Variants in NELL1 observed in about 807,000 individuals in gnomAD.
NELL1 encodes protein kinase C-binding protein NELL1.
In NELL1, 76 loss-of-function variants were observed where a neutral mutation model predicts 107.4. The ratio of observed to expected loss-of-function variants is 0.71; its 90% CI spans 0.59 to 0.86. The LOEUF (loss-of-function observed/expected upper bound fraction) is 0.86. Among genes scored for constraint, NELL1 ranks in the 40% least tolerant of loss-of-function variants. The probability of loss-of-function intolerance (pLI) is 0.00; values close to 1 mark genes in which losing one functional copy is unlikely to be tolerated. For synonymous variants in NELL1, 353 were observed against 341.2 expected, an observed-to-expected ratio of 1.03 and a Z score of -0.38; for missense variants, 1,024 against 1,005.5, an observed-to-expected ratio of 1.02 and a Z score of -0.25.
chr11:21,438,533 T>G (rs566960425), intron 15 of NELL1, among the ~76,000 whole-genome samples: 1 of 152,308 alleles, frequency 6.6e-6, no homozygotes, highest in African/African-American at 2.4e-5. Flanking sequence ...TTTCAACTGT[T>G]ATTTCATTAA....
intron 13 of NELL1, among the ~76,000 whole-genome samples, chr11:21,179,619 C>T (rs1565098434): frequency 6.6e-6 from 1 of 151,842 alleles, no homozygotes; most frequent in Non-Finnish European, 1.5e-5. Flanking sequence ...TTGGCTAAAT[C>T]AAGTCACTTG....
At chr11:21,200,988 A>G (rs1466210563) in intron 13 of NELL1, among the ~76,000 whole-genome samples, 1 of 152,126 alleles carries the variant, frequency 6.6e-6, no homozygotes, top group Non-Finnish European at 1.5e-5. Context: ...CCATTGGTCT[A>G]TATATCTGTT....
chr11:21,113,663 C>A lies in NELL1; in HGVS notation c.1375C>A (p.Arg459Ser), dbSNP rs753194613. ...GTGTGTCAACCTTCCTGGGTTATAT[C>A]GCTGTGACTGTGTCCCAGGATACAT... ...TVCVNLPGLY[R>S]CDCVPGYIRV... The change falls in exon 13 of 20, where the codon CGC becomes AGC. Residue 459 changes from arginine (R) to serine (S), a missense_variant. Transcript: ENST00000357134. The A allele has an allele frequency of 1.2e-6, 2 of 1,612,128 alleles. No individual in the cohort carries two copies. The highest frequency in any genetic ancestry group is 4.5e-5 in the East Asian group (2 of 44,814).
intron 4 of NELL1, among the ~76,000 whole-genome samples, chr11:20,855,184 T>C (rs1054841618): frequency 6.6e-6 from 1 of 152,114 alleles, no homozygotes; most frequent in African/African-American, 2.4e-5. Flanking sequence ...TTTCTTTTTT[T>C]TTTTTTTCTG....
chr11:21,455,711 G>T (rs1376344543), intron 15 of NELL1, among the ~76,000 whole-genome samples: 1 of 151,736 alleles, frequency 6.6e-6, no homozygotes, highest in Non-Finnish European at 1.5e-5. Flanking sequence ...TTTTCTTTAT[G>T]GTCTTCCTCT....
At chr11:21,113,750 A>T (rs759095721) in intron 13 of NELL1, 36 bp downstream of exon 13, 6 of 1,603,256 alleles carry the variant, frequency 3.7e-6, no homozygotes, top group Non-Finnish European at 5.1e-6. Context: ...TTTTTAATTC[A>T]TCCATTCTCT....
intron 2 of NELL1, chr11:20,769,164 T>C (rs760961336): frequency 1.3e-5 from 2 of 152,374 alleles, no homozygotes; most frequent in Non-Finnish European, 2.9e-5. Context: ...GCTGATGCAA[T>C]ATTCTAGTCA....
intron 2 of NELL1, among the ~76,000 whole-genome samples, chr11:20,745,958 G>T (rs1855993281): frequency 6.6e-6 from 1 of 152,138 alleles, no homozygotes; most frequent in Non-Finnish European, 1.5e-5. Flanking sequence ...AAATATCTTT[G>T]CAAGGAAAAA....
chr11:20,862,766 T>G (rs144347707), intron 4 of NELL1, among the ~76,000 whole-genome samples: 4 of 152,102 alleles, frequency 2.6e-5, no homozygotes, highest in Non-Finnish European at 5.9e-5. Context: ...CCGCAGTGTT[T>G]GTGTCCCTGC....
At chr11:21,303,806 T>C (rs1440658665) in intron 14 of NELL1, among the ~76,000 whole-genome samples, 1 of 152,004 alleles carries the variant, frequency 6.6e-6, no homozygotes, top group Non-Finnish European at 1.5e-5. Flanking sequence ...GAAACATGTT[T>C]CTTACAGTTT....
In NELL1 at chr11:21,423,595, G is replaced by C. The variant is rs148711839; in HGVS notation, c.1645+52647G>C. 6.1e-3 allele frequency among the ~76,000 whole-genome samples: 928 copies of C among 152,218 alleles called. 6 individuals are homozygous for C. The highest frequency in any genetic ancestry group is 7.6e-3 in the Non-Finnish European group (519 of 67,986). On this transcript the variant is annotated intron_variant, in intron 15 of 19. Transcript: ENST00000357134. ...CCACCAGAATGAAGATAAGTAAGGA[G>C]AGAGACTTGAATAACACAATAAACA... is the stretch of plus-strand genomic sequence containing the variant.
intron 14 of NELL1, among the ~76,000 whole-genome samples, chr11:21,258,678 C>CTCA (rs1453565831): frequency 2.0e-4 from 30 of 151,944 alleles, no homozygotes; most frequent in African/African-American, 7.2e-4. Flanking sequence ...AAATGTTATT[C>CTCA]TCATCAAAAA....
intron 12 of NELL1, among the ~76,000 whole-genome samples, chr11:21,069,759 A>C (rs1331724548): frequency 1.3e-5 from 2 of 152,186 alleles, no homozygotes; most frequent in African/African-American, 4.8e-5. Flanking sequence ...ATCACTGATT[A>C]AGGGCCGGTG....
intron 2 of NELL1, among the ~76,000 whole-genome samples, chr11:20,685,532 C>A (rs2133859052): frequency 6.6e-6 from 1 of 152,150 alleles, no homozygotes; most frequent in South Asian, 2.1e-4. Context: ...TAGCAACTAT[C>A]AAGCTACTTA....
chr11:21,003,174 A>T (rs1852260111), intron 12 of NELL1, among the ~76,000 whole-genome samples: 1 of 152,156 alleles, frequency 6.6e-6, no homozygotes, highest in African/African-American at 2.4e-5. Context: ...ATTTAGATAT[A>T]GTCTCCAACT....
chr11:20,918,403 A>G, intron 6 of NELL1, 149 bp downstream of exon 6: 3 of 582,980 alleles, frequency 5.1e-6, no homozygotes, highest in South Asian at 2.1e-5. Context: ...TCTACATTAT[A>G]TAATTCTGTG....
At chr11:21,304,452 T>G (rs1245044057) in intron 14 of NELL1, among the ~76,000 whole-genome samples, 1 of 151,922 alleles carries the variant, frequency 6.6e-6, no homozygotes, top group Non-Finnish European at 1.5e-5. Context: ...AGTGATGCAG[T>G]GGGGAAAGGA....
At chr11:21,528,806 A>G (rs191017248) in intron 15 of NELL1, among the ~76,000 whole-genome samples, 1 of 152,008 alleles carries the variant, frequency 6.6e-6, no homozygotes, top group African/African-American at 2.4e-5. Context: ...TCTAACTACA[A>G]AGCTTTGTCT....
intron 14 of NELL1, among the ~76,000 whole-genome samples, chr11:21,297,064 TATTTCTATGTAGGC>T (rs1323412933): frequency 6.6e-5 from 10 of 151,732 alleles, no homozygotes; most frequent in African/African-American, 2.4e-4. Flanking sequence ...ATTTGGAATT[TATTTCTATGTAGGC>T]ATTTACATTT....
Sources: gnomAD v4.1 joint callset for allele counts (sites outside exome capture counted in the v4.1 genomes callset) on GRCh38, gnomAD v4.1.1 for gene constraint, MANE v1.5 for transcripts, NCBI Gene and HGNC (gene_info 2026-07-23, HGNC 2026-07-21) for gene names.